NDFIP2: variants seen among roughly 807,000 people sequenced by gnomAD.
NDFIP2 encodes Nedd4 family interacting protein 2.
Under a neutral mutation model 36.0 loss-of-function variants are expected in NDFIP2, and 19 were observed. The observed-to-expected ratio is 0.53, with a 90% CI of 0.37 to 0.77. NDFIP2 has a LOEUF of 0.77. Ranked by LOEUF, NDFIP2 falls within the 30% of genes least tolerant of loss-of-function variation. The pLI, the probability that NDFIP2 is intolerant of heterozygous loss-of-function variation, is 0.00. For synonymous variants in NDFIP2, 181 were observed against 167.7 expected (o/e 1.08, Z -0.61); for missense variants, 446 against 435.8 (o/e 1.02, Z -0.21).
At position 79,507,343 on chromosome 13, in the gene NDFIP2, G is replaced by A. The variant is rs1430096030; in HGVS notation, c.322-13467G>A. Among the ~76,000 whole-genome samples the A allele has an allele frequency of 2.2e-4, 4 of 17,798 alleles. 1 individual carries two copies. The highest frequency in any genetic ancestry group is 1.5e-3 in the African/African-American group (1 of 678). The allele number at this position is 17,798 out of a possible 152,430, so 11.7% of individuals were successfully genotyped here. ...GGCTGGAGTGCAGTGGCGGGATCTC[G>A]GCTCACTGCAAGCTCCGCCTCCCGG... On this transcript the variant is annotated intron_variant, in intron 1 of 7. Transcript: ENST00000218652.
In NDFIP2 at chr13:79,554,481, T is replaced by G. The variant is rs764632594; in HGVS notation, c.*1968T>G. The G allele has an allele frequency of 4.0e-5, 6 of 151,836 alleles. No individual in the cohort carries two copies. The highest frequency in any genetic ancestry group is 7.4e-5 in the Non-Finnish European group (5 of 67,776). 9.4% of individuals were successfully genotyped at this position (151,836 alleles called of 1,614,324 possible). On this transcript the variant is annotated 3_prime_UTR_variant, in exon 8 of 8. Transcript: ENST00000218652. ...GGTATATGTGCTTGTTTTCTGAATA[T>G]GGATACATGTTACTTTTGATCCAGC... is the stretch of plus-strand genomic sequence containing the variant.
intron 2 of NDFIP2, 33 bp downstream of exon 2, chr13:79,521,008 C>CTT (rs59405124): frequency 0.032 from 39,267 of 1,213,854 alleles, 736 homozygotes; most frequent in African/African-American, 0.17. Context: ...TTTATTAGTT[C>CTT]TTTTTTTTTT....
Position 79,539,824 on chromosome 13 carries a change from TA to T in NDFIP2, c.715+50del, listed in dbSNP as rs753560100. On this transcript the variant is annotated intron_variant, in intron 4 of 7. Transcript: ENST00000218652. ...TTGGGTTGTTTTTATGAATTGGCTGTATGTGTATTAAAGTAACATAGTGAAG... is the reference window on the plus strand; with the variant it reads ...TTGGGTTGTTTTTATGAATTGGCTGTTGTGTATTAAAGTAACATAGTGAAG... 7.5e-6 allele frequency: 11 copies of T among 1,460,960 alleles called. No individual in the cohort carries two copies. In the South Asian group the frequency reaches 1.1e-4, roughly 15 times the overall value. 90.5% of individuals were successfully genotyped at this position (1,460,960 alleles called of 1,614,324 possible).
chr13:79,551,405 A>C (rs1409377520), intron 7 of NDFIP2, among the ~76,000 whole-genome samples: 1 of 151,482 alleles, frequency 6.6e-6, no homozygotes, highest in East Asian at 1.9e-4. Context: ...TTAAAGATTA[A>C]CCATAGAATG....
At chr13:79,494,025 T>C (rs1460598436) in intron 1 of NDFIP2, among the ~76,000 whole-genome samples, 2 of 152,164 alleles carry the variant, frequency 1.3e-5, no homozygotes, top group African/African-American at 4.8e-5. Context: ...AAAAACCTTT[T>C]AACTATTTCA....
At chr13:79,499,330 G>A (rs1317059774) in intron 1 of NDFIP2, among the ~76,000 whole-genome samples, 2 of 151,936 alleles carry the variant, frequency 1.3e-5, no homozygotes, top group Non-Finnish European at 2.9e-5. Context: ...ACCAGGCAAG[G>A]ATGTCCTCTT....
In NDFIP2 at chr13:79,481,297, A is replaced by G; in HGVS notation, c.94A>G (p.Thr32Ala). Residue 32 changes from threonine to alanine, a missense_variant, in exon 1 of 8, where the codon ACC (threonine) becomes GCC (alanine). Thr to Ala is a moderately conservative substitution (Grantham distance 58, BLOSUM62 0). Coordinates refer to ENST00000218652, the MANE Select transcript of NDFIP2 (RefSeq NM_019080.3). ...CCCGGAGCTTCTCCGCGGAACCGCGACCAACGCGGAGGTCTCGGCGGCCGC... is the reference window on the plus strand; with the variant it reads ...CCCGGAGCTTCTCCGCGGAACCGCGGCCAACGCGGAGGTCTCGGCGGCCGC... ...GAPELLRGTATNAEVSAAAAG... is the reference protein window; with the variant it reads ...GAPELLRGTAANAEVSAAAAG... The G allele has an allele frequency of 6.5e-7, 1 of 1,540,458 alleles. No homozygotes were observed. The highest frequency in any genetic ancestry group is 8.7e-7 in the Non-Finnish European group (1 of 1,146,368).
chr13:79,483,680 C>T (rs1471656363), intron 1 of NDFIP2, among the ~76,000 whole-genome samples: 2 of 152,176 alleles, frequency 1.3e-5, no homozygotes, highest in Non-Finnish European at 2.9e-5. Context: ...GGAAAGCTAG[C>T]AGTGATGCTC....
At chr13:79,509,676 G>A (rs186632768) in intron 1 of NDFIP2, among the ~76,000 whole-genome samples, 13 of 147,858 alleles carry the variant, frequency 8.8e-5, no homozygotes, top group Admixed American at 4.7e-4. Context: ...GTATATTATC[G>A]ATATATATAT....
In NDFIP2 at chr13:79,555,007, C is replaced by A. The variant is rs1213077896; in HGVS notation, c.*2494C>A. Reference sequence around the variant, plus strand: ...GAAACTTAGATTAAAATACAAATCCCATTACATTTGGTTAAAATGAAAATC... The same window carrying A: ...GAAACTTAGATTAAAATACAAATCCAATTACATTTGGTTAAAATGAAAATC... On this transcript the variant is annotated 3_prime_UTR_variant, in exon 8 of 8. Coordinates refer to ENST00000218652, the MANE Select transcript of NDFIP2 (RefSeq NM_019080.3). 1 of 151,594 alleles carries A rather than the reference C, an allele frequency of 6.6e-6. No homozygotes were observed. The highest frequency in any genetic ancestry group is 2.4e-5 in the African/African-American group (1 of 41,316). 9.4% of individuals were successfully genotyped at this position (151,594 alleles called of 1,614,324 possible).
chr13:79,529,625 A>T (rs1292358096), intron 2 of NDFIP2, among the ~76,000 whole-genome samples: 1 of 152,214 alleles, frequency 6.6e-6, no homozygotes, highest in Non-Finnish European at 1.5e-5. Flanking sequence ...ATTCAGTATT[A>T]TACTGCTAGT....
At chr13:79,498,242 G>C (rs1873524624) in intron 1 of NDFIP2, among the ~76,000 whole-genome samples, 1 of 151,838 alleles carries the variant, frequency 6.6e-6, no homozygotes, top group African/African-American at 2.4e-5. Flanking sequence ...GACAAATGAA[G>C]TAATGAAATT....
chr13:79,507,699 A>G (rs1169951157), intron 1 of NDFIP2, among the ~76,000 whole-genome samples: 1 of 152,080 alleles, frequency 6.6e-6, no homozygotes, highest in African/African-American at 2.4e-5. Context: ...ACAACTTGTC[A>G]GGATCAACTT....
At chr13:79,512,449 AG>A (rs771664473) in intron 1 of NDFIP2, among the ~76,000 whole-genome samples, 1 of 152,034 alleles carries the variant, frequency 6.6e-6, no homozygotes, top group South Asian at 2.1e-4. Flanking sequence ...CTGGCTTTTG[AG>A]GAAAAAAAAA....
At chr13:79,493,609 G>T (rs990439904) in intron 1 of NDFIP2, among the ~76,000 whole-genome samples, 3 of 152,114 alleles carry the variant, frequency 2.0e-5, no homozygotes, top group Admixed American at 2.0e-4. Flanking sequence ...GGGAGGTTCT[G>T]TTCAAGGTTA....
chr13:79,553,199 C>CAT lies in NDFIP2; in HGVS notation c.*694_*695dup, dbSNP rs1026891954. ...AAATATATATGTGTATATGTATACA[C>CAT]ATATATATACACACACACATATATA... On this transcript the variant is annotated 3_prime_UTR_variant, in exon 8 of 8. Coordinates refer to ENST00000218652, the MANE Select transcript of NDFIP2 (RefSeq NM_019080.3). The CAT allele has an allele frequency of 1.3e-5, 2 of 150,640 alleles. No homozygotes were observed. Among genetic ancestry groups the CAT allele is most frequent in the African/African-American group, 2.4e-5 (1 of 41,290 alleles). The allele number at this position is 150,640 out of a possible 1,614,324, so 9.3% of individuals were successfully genotyped here. A position where few individuals can be genotyped will look rare whatever the true frequency, so the allele number is the denominator to read the frequency against.
intron 1 of NDFIP2, among the ~76,000 whole-genome samples, chr13:79,493,920 A>G (rs1873340582): frequency 6.6e-6 from 1 of 152,154 alleles, no homozygotes. Context: ...GTCCACTTTT[A>G]AAATTCCGAG....
intron 2 of NDFIP2, among the ~76,000 whole-genome samples, chr13:79,530,504 A>C (rs1247670753): frequency 6.6e-6 from 1 of 152,226 alleles, no homozygotes; most frequent in East Asian, 1.9e-4. Flanking sequence ...TGTCTGTAGC[A>C]TGCAGTGCTG....
Position 79,520,831 on chromosome 13 carries a change from T to G in NDFIP2, c.343T>G (p.Ser115Ala), listed in dbSNP as rs752236647. 8 of 1,612,930 alleles carry G rather than the reference T, an allele frequency of 5.0e-6. No homozygotes were observed. In the African/African-American group the frequency reaches 1.1e-4, roughly 22 times the overall value. Residue 115 changes from serine to alanine, a missense_variant, in exon 2 of 8, where the codon TCA (serine) becomes GCA (alanine). This residue lies in a region of NDFIP2 where 369 missense variants were observed against 304.8 expected (regional missense o/e 1.21). Coordinates refer to ENST00000218652, the MANE Select transcript of NDFIP2 (RefSeq NM_019080.3). Reference sequence around the variant, plus strand: ...TTAGCTTCTTAATGAAGAGGATAACTCAGAATCATCGGCTATAGAGCAGCC... The same window carrying G: ...TTAGCTTCTTAATGAAGAGGATAACGCAGAATCATCGGCTATAGAGCAGCC... ...YQVLLNEEDNSESSAIEQPPT... is the reference protein window; with the variant it reads ...YQVLLNEEDNAESSAIEQPPT...
Sources: allele counts gnomAD v4.1 joint callset (sites outside exome capture counted in the v4.1 genomes callset), GRCh38; gene constraint gnomAD v4.1.1; regional missense constraint gnomAD v4.1.1; transcripts MANE v1.5; gene names NCBI Gene and HGNC (gene_info 2026-07-23, HGNC 2026-07-21).